The following PPP2R5E variants were observed in gnomAD, a reference collection of about 807,000 sequenced individuals.
The protein encoded by PPP2R5E is serine/threonine-protein phosphatase 2A 56 kDa regulatory subunit epsilon isoform.
Under a neutral mutation model 65.3 loss-of-function variants are expected in PPP2R5E, and 4 were observed. The ratio of observed to expected loss-of-function variants is 0.06; its 90% CI spans 0.03 to 0.14. PPP2R5E has a LOEUF of 0.14. PPP2R5E is among the 10% of genes least tolerant of loss of function. The probability of loss-of-function intolerance (pLI) is 1.00; values close to 1 mark genes in which losing one functional copy is unlikely to be tolerated. For synonymous variants in PPP2R5E, 183 were observed against 187.4 expected (o/e 0.98, Z 0.19); for missense variants, 274 against 556.1 (o/e 0.49, Z 5.10).
chr14:63,437,557 C>T (rs1371387553), intron 3 of PPP2R5E, among the ~76,000 whole-genome samples: 1 of 152,104 alleles, frequency 6.6e-6, no homozygotes, highest in Non-Finnish European at 1.5e-5. Context: ...CTATTGTCTA[C>T]AATTTTTTTT....
intron 2 of PPP2R5E, chr14:63,479,239 G>T (rs927613912): frequency 3.3e-5 from 5 of 152,214 alleles, no homozygotes; most frequent in South Asian, 2.1e-4. Context: ...GAGCTCTCTG[G>T]AAGATTAACT....
intron 3 of PPP2R5E, among the ~76,000 whole-genome samples, chr14:63,429,162 A>G (rs1887493168): frequency 6.6e-6 from 1 of 152,206 alleles, no homozygotes; most frequent in Non-Finnish European, 1.5e-5. Context: ...ATAACAAGTC[A>G]ATTTAAATCA....
chr14:63,473,619 T>C (rs1226290725), intron 2 of PPP2R5E, among the ~76,000 whole-genome samples: 1 of 152,020 alleles, frequency 6.6e-6, no homozygotes, highest in Non-Finnish European at 1.5e-5. Context: ...CCAAAACAGC[T>C]CTCTAGGAAG....
chr14:63,508,282 G>T, intron 2 of PPP2R5E: 2 of 882,298 alleles, frequency 2.3e-6, no homozygotes, highest in Non-Finnish European at 2.7e-6. Context: ...CCAATGCTAT[G>T]GCAACCCCCT....
intron 3 of PPP2R5E, among the ~76,000 whole-genome samples, chr14:63,423,442 T>C (rs1188427051): frequency 6.6e-6 from 1 of 152,186 alleles, no homozygotes; most frequent in African/African-American, 2.4e-5. Context: ...TAAATGTTGT[T>C]GGTACTAGTC....
chr14:63,496,085 T>C (rs1255620), intron 2 of PPP2R5E, among the ~76,000 whole-genome samples: 49,938 of 152,200 alleles, frequency 0.33, 12,379 homozygotes, highest in African/African-American at 0.7. Context: ...TGAAGATTTT[T>C]TTTGTTAAAT....
intron 2 of PPP2R5E, among the ~76,000 whole-genome samples, chr14:63,530,832 G>T (rs1893397560): frequency 6.6e-6 from 1 of 151,216 alleles, no homozygotes; most frequent in Non-Finnish European, 1.5e-5. Flanking sequence ...GGCCTGGCTG[G>T]TATCAAATTC....
chr14:63,478,657 C>T (rs768329039), intron 2 of PPP2R5E, among the ~76,000 whole-genome samples: 25 of 152,036 alleles, frequency 1.6e-4, no homozygotes, highest in Non-Finnish European at 3.4e-4. Context: ...CCTCACAGAC[C>T]CCTGAAAAGG....
chr14:63,404,799 T>C (rs150750533), intron 5 of PPP2R5E, among the ~76,000 whole-genome samples: 25 of 152,356 alleles, frequency 1.6e-4, no homozygotes, highest in African/African-American at 3.8e-4. Flanking sequence ...TTGAGCATAC[T>C]ATCTATTTCA....
rs571393223 is a variant in PPP2R5E at position 63,403,366 on chromosome 14, C to T, written c.550-6650G>A. Among the ~76,000 whole-genome samples, 8 of 125,046 alleles carry T rather than the reference C, an allele frequency of 6.4e-5. No homozygotes were observed. The South Asian group carries it at 1.2e-3, about 19-fold the overall frequency. The allele number at this position is 125,046 out of a possible 152,430, so 82.0% of individuals were successfully genotyped here. ...TCGTGCCACTACACTCCAGCCTGGG[C>T]GACAAAGCGAGAGTCTGTCTCAAAA... On this transcript the variant is annotated intron_variant, in intron 5 of 13. Coordinates refer to ENST00000337537, the MANE Select transcript of PPP2R5E (RefSeq NM_006246.5).
At chr14:63,478,279 T>C (rs1451666980) in intron 2 of PPP2R5E, among the ~76,000 whole-genome samples, 2 of 152,174 alleles carry the variant, frequency 1.3e-5, no homozygotes, top group Non-Finnish European at 2.9e-5. Flanking sequence ...AACTTTTGGT[T>C]TCACAATTAC....
intron 2 of PPP2R5E, among the ~76,000 whole-genome samples, chr14:63,489,659 T>C (rs1891191122): frequency 6.6e-6 from 1 of 152,066 alleles, no homozygotes; most frequent in Non-Finnish European, 1.5e-5. Flanking sequence ...ATCTGCCCTC[T>C]GGCCTTCCAA....
chr14:63,539,747 G>A (rs1893813139), intron 1 of PPP2R5E, 55 bp from the exon 2 acceptor site: 5 of 1,497,262 alleles, frequency 3.3e-6, no homozygotes, highest in Non-Finnish European at 4.6e-6. Context: ...AAGCATACAT[G>A]TGAGTTATAC....
intron 3 of PPP2R5E, among the ~76,000 whole-genome samples, chr14:63,442,950 C>A (rs917246070): frequency 6.6e-6 from 1 of 152,174 alleles, no homozygotes; most frequent in Admixed American, 6.5e-5. Flanking sequence ...AAACTCTCTG[C>A]CCTTCAGCTA....
chr14:63,450,622 C>T (rs1888769753), intron 3 of PPP2R5E, among the ~76,000 whole-genome samples: 3 of 152,150 alleles, frequency 2.0e-5, no homozygotes, highest in African/African-American at 2.4e-5. Flanking sequence ...GAAATGCCTA[C>T]ATTTTAAGGA....
intron 2 of PPP2R5E, among the ~76,000 whole-genome samples, chr14:63,504,172 G>A (rs1038601396): frequency 2.0e-5 from 3 of 151,916 alleles, no homozygotes; most frequent in East Asian, 1.9e-4. Context: ...AGACCTGTAC[G>A]TATTGTATAG....
intron 2 of PPP2R5E, among the ~76,000 whole-genome samples, chr14:63,490,601 G>A (rs564683679): frequency 9.2e-5 from 14 of 151,932 alleles, no homozygotes; most frequent in African/African-American, 3.4e-4. Flanking sequence ...TCTCAAAAGA[G>A]GACATACAAG....
At chr14:63,462,094 G>C (rs1393668747) in intron 2 of PPP2R5E, among the ~76,000 whole-genome samples, 1 of 143,086 alleles carries the variant, frequency 7.0e-6, no homozygotes, top group Non-Finnish European at 1.5e-5. Context: ...TTTTTTAGAC[G>C]GAGTCTCGCT....
intron 4 of PPP2R5E, 57 bp downstream of exon 4, chr14:63,421,936 T>C: frequency 7.5e-7 from 1 of 1,338,816 alleles, no homozygotes; most frequent in South Asian, 1.2e-5. Flanking sequence ...ATTCCCATGC[T>C]AATCAGCTAA....
Sources: gnomAD v4.1 joint callset for allele counts (sites outside exome capture counted in the v4.1 genomes callset) on GRCh38, gnomAD v4.1.1 for gene constraint, MANE v1.5 for transcripts, NCBI Gene and HGNC (gene_info 2026-07-23, HGNC 2026-07-21) for gene names.